The following MARCHF8 variants were observed in gnomAD, a reference collection of about 807,000 sequenced individuals.
The protein encoded by MARCHF8 is membrane associated ring-CH-type finger 8.
A neutral mutation model predicts 51.6 loss-of-function variants in MARCHF8; 40 were observed. The ratio of observed to expected loss-of-function variants is 0.77; its 90% CI spans 0.60 to 1.01. The LOEUF is 1.01. Among genes scored for constraint, MARCHF8 ranks in the 50% least tolerant of loss-of-function variants. The probability of loss-of-function intolerance (pLI) is 0.00; values close to 1 mark genes in which losing one functional copy is unlikely to be tolerated. For missense variants in MARCHF8, 685 were observed against 708.6 expected (o/e 0.97, Z 0.38); for synonymous variants, 263 against 280.3 (o/e 0.94, Z 0.62).
Position 45,461,378 on chromosome 10 carries a change from G to A in MARCHF8, c.1122C>T (p.Pro374=). The A allele has an allele frequency of 6.3e-7, 1 of 1,595,498 alleles. No homozygotes were observed. Among genetic ancestry groups the A allele is most frequent in the Non-Finnish European group, 8.5e-7 (1 of 1,172,112 alleles). ...CTGTGCAGTGGCAGGGGGTGATCAG[G>A]GGGCTCTCATCATCTCCTTCACAGT... The part of the protein sequence containing the change: ...ICHCEGDDES[P]LITPCHCTGS... The change falls in exon 6 of 8, where the codon CCC becomes CCT. Residue 374 remains proline, a synonymous_variant. Coordinates refer to ENST00000453424, the MANE Select transcript of MARCHF8 (RefSeq NM_001282866.2).
intron 1 of MARCHF8, among the ~76,000 whole-genome samples, chr10:45,583,516 A>G (rs771348210): frequency 2.6e-5 from 4 of 152,262 alleles, no homozygotes; most frequent in Non-Finnish European, 5.9e-5. Context: ...GTACCCATAT[A>G]TTCTTCACAC....
chr10:45,574,984 T>A (rs2044473121), intron 1 of MARCHF8, among the ~76,000 whole-genome samples: 1 of 145,710 alleles, frequency 6.9e-6, no homozygotes, highest in Non-Finnish European at 1.5e-5. Flanking sequence ...AAAAAAAAAA[T>A]TCCTCACTAT....
At chr10:45,493,012 C>T (rs1041357586) in intron 2 of MARCHF8, among the ~76,000 whole-genome samples, 1 of 152,166 alleles carries the variant, frequency 6.6e-6, no homozygotes, top group African/African-American at 2.4e-5. Context: ...TGCTGGATTT[C>T]GAGTTTGTGG....
chr10:45,545,628 G>T (rs2133321242), intron 1 of MARCHF8, among the ~76,000 whole-genome samples: 1 of 152,316 alleles, frequency 6.6e-6, no homozygotes, highest in East Asian at 1.9e-4. Context: ...AAGAATTACT[G>T]ATCAAAGCAT....
chr10:45,479,018 C>T (rs373674754), intron 3 of MARCHF8, among the ~76,000 whole-genome samples: 15 of 152,166 alleles, frequency 9.9e-5, no homozygotes, highest in African/African-American at 3.6e-4. Flanking sequence ...ATTATGCTGA[C>T]ACCAAAACCA....
chr10:45,582,539 C>T (rs2044566925), intron 1 of MARCHF8, among the ~76,000 whole-genome samples: 1 of 152,052 alleles, frequency 6.6e-6, no homozygotes, highest in East Asian at 1.9e-4. Flanking sequence ...AATCAGAGAC[C>T]AGCCAGTTCA....
chr10:45,523,384 T>A (rs756219707), intron 2 of MARCHF8, among the ~76,000 whole-genome samples: 1 of 152,110 alleles, frequency 6.6e-6, no homozygotes, highest in Non-Finnish European at 1.5e-5. Context: ...TTTAGCCACA[T>A]GTGATGGTGT....
At chr10:45,554,248 A>G (rs1463461536) in intron 1 of MARCHF8, among the ~76,000 whole-genome samples, 1 of 152,232 alleles carries the variant, frequency 6.6e-6, no homozygotes, top group Non-Finnish European at 1.5e-5. Flanking sequence ...ATGATCAAGA[A>G]CCAAAATTTT....
chr10:45,468,944 T>G (rs1201734718), intron 3 of MARCHF8, among the ~76,000 whole-genome samples: 4 of 152,070 alleles, frequency 2.6e-5, no homozygotes, highest in African/African-American at 9.7e-5. Context: ...GCACATATAC[T>G]TTGTCTCAGC....
chr10:45,582,060 C>T (rs1029187773), intron 1 of MARCHF8, among the ~76,000 whole-genome samples: 1 of 152,048 alleles, frequency 6.6e-6, no homozygotes, highest in Non-Finnish European at 1.5e-5. Flanking sequence ...TTTTAACAAC[C>T]TTATCATGCC....
intron 2 of MARCHF8, among the ~76,000 whole-genome samples, chr10:45,528,314 ATC>A (rs1050923422): frequency 1.3e-5 from 2 of 152,216 alleles, no homozygotes; most frequent in South Asian, 2.1e-4. Flanking sequence ...AAGTTAAACT[ATC>A]TCTGTTTGCT....
intron 2 of MARCHF8, among the ~76,000 whole-genome samples, chr10:45,516,182 G>A (rs957915023): frequency 6.6e-6 from 1 of 152,056 alleles, no homozygotes; most frequent in African/African-American, 2.4e-5. Context: ...TTTGCCCTGC[G>A]TTCTGCTAAC....
chr10:45,551,207 T>A (rs2059423927), intron 1 of MARCHF8, among the ~76,000 whole-genome samples: 1 of 152,126 alleles, frequency 6.6e-6, no homozygotes, highest in Admixed American at 6.5e-5. Context: ...GAAAACTGTT[T>A]TAGTCTCATT....
intron 3 of MARCHF8, among the ~76,000 whole-genome samples, chr10:45,478,084 G>A (rs1301317530): frequency 6.6e-6 from 1 of 152,104 alleles, no homozygotes; most frequent in African/African-American, 2.4e-5. Context: ...GTTACAGAAC[G>A]TTTCATCCAA....
intron 3 of MARCHF8, among the ~76,000 whole-genome samples, chr10:45,471,144 T>A (rs925829422): frequency 6.6e-6 from 1 of 152,234 alleles, no homozygotes; most frequent in African/African-American, 2.4e-5. Flanking sequence ...GCTAAAATGA[T>A]ATCCATTATA....
chr10:45,561,213 G>C (rs1019401082), intron 1 of MARCHF8, among the ~76,000 whole-genome samples: 1 of 150,454 alleles, frequency 6.6e-6, no homozygotes, highest in Non-Finnish European at 1.5e-5. Flanking sequence ...AGAGCAAGCA[G>C]AAAGAACAAA....
rs368170309 is a variant in MARCHF8, at chr10:45,533,098, C to T, written c.102+12G>A. On this transcript the variant is annotated intron_variant, in intron 2 of 7. Transcript: ENST00000453424. ...AAAAATAATGAAACTAAAAAAGATA[C>T]TCTCCCAGTACCTGTTCTTCCCTCT... 1 of 1,575,576 alleles carries T rather than the reference C, an allele frequency of 6.3e-7. No individual in the cohort carries two copies. The highest frequency in any genetic ancestry group is 1.4e-5 in the African/African-American group (1 of 72,708).
intron 3 of MARCHF8, among the ~76,000 whole-genome samples, chr10:45,475,218 G>A (rs1030895964): frequency 1.3e-5 from 2 of 152,202 alleles, no homozygotes; most frequent in East Asian, 1.9e-4. Flanking sequence ...TTTCACAAGC[G>A]CCAAGGACAA....
chr10:45,555,555 C>A (rs1403038507), intron 1 of MARCHF8, among the ~76,000 whole-genome samples: 2 of 151,926 alleles, frequency 1.3e-5, no homozygotes, highest in Non-Finnish European at 2.9e-5. Flanking sequence ...CTGGGCAACA[C>A]AGTGAGATCC....
Sources: gnomAD v4.1 joint callset for allele counts (sites outside exome capture counted in the v4.1 genomes callset) on GRCh38, gnomAD v4.1.1 for gene constraint, MANE v1.5 for transcripts, NCBI Gene and HGNC (gene_info 2026-07-23, HGNC 2026-07-21) for gene names.